DGKB: variants seen among roughly 807,000 people sequenced by gnomAD.
The protein encoded by DGKB is 90 kDa diacylglycerol kinase.
Under a neutral mutation model 114.3 loss-of-function variants are expected in DGKB, and 67 were observed. That is an observed-to-expected ratio of 0.59 (90% CI 0.48 to 0.72). The LOEUF (loss-of-function observed/expected upper bound fraction) is 0.72, where lower values mean the gene tolerates loss of function less well. Among genes scored for constraint, DGKB ranks in the 30% least tolerant of loss-of-function variants. The pLI, the probability that DGKB is intolerant of heterozygous loss-of-function variation, is 0.00. For synonymous variants in DGKB, 398 were observed against 323.1 expected, an observed-to-expected ratio of 1.23 and a Z score of -2.49; for missense variants, 907 against 975.2, an observed-to-expected ratio of 0.93 and a Z score of 0.93.
rs565509137 is a variant in DGKB, at chr7:14,360,316, G to T, written c.1836-14925C>A. Among the ~76,000 whole-genome samples, 12 of 152,150 alleles carry T rather than the reference G, an allele frequency of 7.9e-5. No individual in the cohort carries two copies. The South Asian group carries it at 2.1e-3, about 26-fold the overall frequency. ...TATCACACACTGGGGCCTGTCGTGG[G>T]GTTGGGGGCTGGGGGAGAGATAGCT... On this transcript the variant is annotated intron_variant, in intron 21 of 25. Coordinates refer to ENST00000402815, the MANE Select transcript of DGKB (RefSeq NM_001350709.2).
At chr7:14,180,465 G>A (rs1782482252) in intron 23 of DGKB, among the ~76,000 whole-genome samples, 1 of 152,108 alleles carries the variant, frequency 6.6e-6, no homozygotes, top group Non-Finnish European at 1.5e-5. Flanking sequence ...CAGTAATGAA[G>A]ATATTTCTCA....
intron 1 of DGKB, among the ~76,000 whole-genome samples, chr7:14,931,442 T>G (rs1785015684): frequency 6.6e-6 from 1 of 152,196 alleles, no homozygotes; most frequent in East Asian, 1.9e-4. Context: ...TCTATGTATC[T>G]ATGTTGATCT....
At chr7:14,339,674 C>A (rs1047959548) in intron 22 of DGKB, among the ~76,000 whole-genome samples, 1 of 151,876 alleles carries the variant, frequency 6.6e-6, no homozygotes, top group Non-Finnish European at 1.5e-5. Context: ...GCCTTGACTT[C>A]TTTAAAATGC....
chr7:14,808,380 A>G (rs1843008365), intron 2 of DGKB, among the ~76,000 whole-genome samples: 1 of 152,084 alleles, frequency 6.6e-6, no homozygotes, highest in Non-Finnish European at 1.5e-5. Context: ...GTAGTTGTAG[A>G]AAATATCCCA....
intron 1 of DGKB, among the ~76,000 whole-genome samples, chr7:14,863,695 T>C (rs1851303440): frequency 6.6e-6 from 1 of 152,150 alleles, no homozygotes; most frequent in African/African-American, 2.4e-5. Context: ...ATGTACATTA[T>C]AGAAAGATTC....
chr7:14,185,529 T>C (rs893187054), intron 23 of DGKB, among the ~76,000 whole-genome samples: 3 of 151,888 alleles, frequency 2.0e-5, no homozygotes, highest in Non-Finnish European at 2.9e-5. Context: ...CTAAAAATCA[T>C]ATAGAACCAA....
At chr7:14,962,670 A>G (rs1786925502) in intron 1 of DGKB, among the ~76,000 whole-genome samples, 2 of 131,628 alleles carry the variant, frequency 1.5e-5, no homozygotes, top group Admixed American at 7.3e-5. Flanking sequence ...GTGTGTGTGT[A>G]AGCACGTATA....
At chr7:14,767,431 A>T (rs1347048849) in intron 2 of DGKB, among the ~76,000 whole-genome samples, 3 of 151,870 alleles carry the variant, frequency 2.0e-5, no homozygotes, top group Non-Finnish European at 4.4e-5. Context: ...CTTTGTCCTT[A>T]GGCTGGGATT....
intron 14 of DGKB, among the ~76,000 whole-genome samples, chr7:14,629,838 G>A (rs1182798460): frequency 6.6e-6 from 1 of 151,986 alleles, no homozygotes; most frequent in Non-Finnish European, 1.5e-5. Flanking sequence ...TCAACATACT[G>A]CCATTGAAAC....
chr7:14,403,560 A>G (rs1433482674), intron 21 of DGKB, among the ~76,000 whole-genome samples: 1 of 151,936 alleles, frequency 6.6e-6, no homozygotes, highest in Non-Finnish European at 1.5e-5. Flanking sequence ...TTAGTGATCA[A>G]ATCAATTCAT....
intron 17 of DGKB, among the ~76,000 whole-genome samples, chr7:14,584,319 G>T (rs7787395): frequency 0.059 from 8,924 of 152,126 alleles, 905 homozygotes; most frequent in African/African-American, 0.2. Context: ...TTTAACATTA[G>T]TTGAAGAACA....
At chr7:14,553,974 G>C (rs1334907207) in intron 20 of DGKB, among the ~76,000 whole-genome samples, 1 of 142,190 alleles carries the variant, frequency 7.0e-6, no homozygotes, top group Admixed American at 7.6e-5. Context: ...CCGGGTTCAC[G>C]CCATTCTCCT....
chr7:14,558,984 A>G (rs1796265266), intron 20 of DGKB, among the ~76,000 whole-genome samples: 1 of 152,162 alleles, frequency 6.6e-6, no homozygotes, highest in African/African-American at 2.4e-5. Context: ...CAATTGAACA[A>G]AGCAGATCAC....
At chr7:14,871,499 G>A (rs58737612) in intron 1 of DGKB, among the ~76,000 whole-genome samples, 7,501 of 152,166 alleles carry the variant, frequency 0.049, 338 homozygotes, top group East Asian at 0.26. Context: ...TATCCACAGA[G>A]TCAATCTCGT....
intron 13 of DGKB, among the ~76,000 whole-genome samples, chr7:14,636,244 A>C (rs1478599442): frequency 2.0e-5 from 3 of 151,778 alleles, no homozygotes; most frequent in Non-Finnish European, 4.4e-5. Context: ...GAACAATATC[A>C]GTTCTGAGTT....
At chr7:14,657,919 GAGAA>G (rs368246471) in intron 13 of DGKB, among the ~76,000 whole-genome samples, 247 of 152,030 alleles carry the variant, frequency 1.6e-3, no homozygotes, top group African/African-American at 5.4e-3. Context: ...CTGGAGCTGT[GAGAA>G]AGAGACACAC....
rs750405573 is a variant in DGKB at position 14,857,262 on chromosome 7, G to GTGTGTGTGTGTGTGTGTGTGTC, written c.-187-15813_-187-15812insGACACACACACACACACACACA. ...CCAACCCCCTGCTGTGTGTGTTTGT[G>GTGTGTGTGTGTGTGTGTGTGTC]TGTGTGTGTGTGTGTGTTGCTGGCA... On this transcript the variant is annotated intron_variant, in intron 1 of 25. Transcript: ENST00000402815. Among the ~76,000 whole-genome samples the GTGTGTGTGTGTGTGTGTGTGTC allele has an allele frequency of 1.1e-3, 171 of 150,792 alleles. No individual in the cohort carries two copies. The East Asian group carries it at 0.012, about 10-fold the overall frequency.
intron 25 of DGKB, among the ~76,000 whole-genome samples, chr7:14,169,614 C>T (rs559582875): frequency 6.6e-6 from 1 of 152,150 alleles, no homozygotes; most frequent in South Asian, 2.1e-4. Context: ...GACAAAGATT[C>T]TGAACTTTTT....
intron 20 of DGKB, among the ~76,000 whole-genome samples, chr7:14,518,561 C>G (rs542770938): frequency 6.6e-5 from 10 of 151,980 alleles, no homozygotes; most frequent in African/African-American, 2.4e-4. Flanking sequence ...ATATATAATA[C>G]TTCTATTTAA....
Sources: allele counts gnomAD v4.1 joint callset (sites outside exome capture counted in the v4.1 genomes callset), GRCh38; gene constraint gnomAD v4.1.1; transcripts MANE v1.5; gene names NCBI Gene and HGNC (gene_info 2026-07-23, HGNC 2026-07-21).